GABRB1: variants seen among roughly 807,000 people sequenced by gnomAD.
GABRB1 encodes the protein gamma-aminobutyric acid type A receptor subunit beta1.
A neutral mutation model predicts 51.6 loss-of-function variants in GABRB1; 17 were observed. The ratio of observed to expected loss-of-function variants is 0.33; its 90% confidence interval spans 0.23 to 0.49. GABRB1 has a LOEUF of 0.49. GABRB1 is among the 20% of genes least tolerant of loss of function. GABRB1 has a pLI of 0.99. For synonymous variants in GABRB1, 247 were observed against 218.9 expected (o/e 1.13, Z -1.14); for missense variants, 410 against 600.6 (o/e 0.68, Z 3.32).
chr4:47,033,276 A>G (rs923703297), intron 3 of GABRB1, among the ~76,000 whole-genome samples: 1 of 152,202 alleles, frequency 6.6e-6, no homozygotes, highest in Admixed American at 6.5e-5. Flanking sequence ...AGGGGTCAAC[A>G]TTCTTTTATA....
intron 3 of GABRB1, among the ~76,000 whole-genome samples, chr4:47,129,213 A>G (rs1716302363): frequency 6.6e-6 from 1 of 152,120 alleles, no homozygotes; most frequent in Non-Finnish European, 1.5e-5. Context: ...TTGAGTGTTA[A>G]AATTAAATAT....
At chr4:47,411,718 GGGT>G (rs1728767400) in intron 8 of GABRB1, among the ~76,000 whole-genome samples, 1 of 152,174 alleles carries the variant, frequency 6.6e-6, no homozygotes, top group Non-Finnish European at 1.5e-5. Flanking sequence ...TGGAGAACCT[GGGT>G]GAGGGGTACA....
At chr4:47,204,487 C>A (rs867400036) in intron 4 of GABRB1, among the ~76,000 whole-genome samples, 1 of 152,024 alleles carries the variant, frequency 6.6e-6, no homozygotes, top group East Asian at 1.9e-4. Context: ...CTCTGCTCCC[C>A]CTAACCCTAA....
At chr4:47,387,556 G>A (rs1173866992) in intron 5 of GABRB1, among the ~76,000 whole-genome samples, 7 of 152,122 alleles carry the variant, frequency 4.6e-5, no homozygotes, top group Non-Finnish European at 8.8e-5. Context: ...AATTAAATGG[G>A]AACAATATTA....
At chr4:47,273,006 G>A (rs942338030) in intron 4 of GABRB1, among the ~76,000 whole-genome samples, 18 of 151,492 alleles carry the variant, frequency 1.2e-4, no homozygotes, top group East Asian at 3.9e-4. Context: ...GTGAACTCTC[G>A]TTTATTCAGT....
At chr4:47,382,790 A>G (rs1426138441) in intron 5 of GABRB1, among the ~76,000 whole-genome samples, 1 of 152,172 alleles carries the variant, frequency 6.6e-6, no homozygotes. Flanking sequence ...AGGACTTCCT[A>G]TTTCATGGAC....
At chr4:47,128,510 C>T in intron 3 of GABRB1, among the ~76,000 whole-genome samples, 1 of 151,976 alleles carries the variant, frequency 6.6e-6, no homozygotes, top group Admixed American at 6.5e-5. Context: ...ATGTTAAAAA[C>T]ATTATGCTGA....
chr4:47,282,136 C>G (rs1723314731), intron 4 of GABRB1, among the ~76,000 whole-genome samples: 1 of 152,030 alleles, frequency 6.6e-6, no homozygotes, highest in Non-Finnish European at 1.5e-5. Context: ...CAAAACATCG[C>G]CTTGTACCCT....
At chr4:47,161,562 A>G in intron 4 of GABRB1, 93 bp downstream of exon 4, 1 of 869,352 alleles carries the variant, frequency 1.2e-6, no homozygotes, top group Non-Finnish European at 1.8e-6. Context: ...AAGCAAGAAT[A>G]TATAGATGAA....
chr4:47,001,381 AT>A lies in GABRB1; in HGVS notation c.-20+7457del, dbSNP rs1338689559. On this transcript the variant is annotated intron_variant, in intron 1 of 3. Transcript: ENST00000513567. ...ATGGTCTGAATCTCCTGACCTCGTGATTCTCCCGCCTTGGCCTCCCAAAGTG... is the reference window on the plus strand; with the variant it reads ...ATGGTCTGAATCTCCTGACCTCGTGATCTCCCGCCTTGGCCTCCCAAAGTG... Among the ~76,000 whole-genome samples, 1,131 of 152,062 alleles carry A rather than the reference AT, an allele frequency of 7.4e-3. 18 individuals are homozygous for A. Among genetic ancestry groups the A allele is most frequent in the African/African-American group, 0.025 (1,032 of 41,378 alleles).
At chr4:47,281,664 A>G (rs193076252) in intron 4 of GABRB1, among the ~76,000 whole-genome samples, 12 of 152,204 alleles carry the variant, frequency 7.9e-5, no homozygotes, top group Admixed American at 5.9e-4. Context: ...TCAATGTATG[A>G]ATGGATAAAC....
At chr4:47,068,631 C>A (rs117747192) in intron 3 of GABRB1, among the ~76,000 whole-genome samples, 2 of 152,256 alleles carry the variant, frequency 1.3e-5, no homozygotes, top group South Asian at 2.1e-4. Flanking sequence ...TCAGAACACA[C>A]AAAACATTTA....
intron 4 of GABRB1, among the ~76,000 whole-genome samples, chr4:47,238,697 T>G (rs1282613166): frequency 6.6e-6 from 1 of 152,170 alleles, no homozygotes; most frequent in African/African-American, 2.4e-5. Context: ...TGAAATATCC[T>G]AAGTGTCGAA....
chr4:47,248,845 T>C (rs1443056808), intron 4 of GABRB1, among the ~76,000 whole-genome samples: 4 of 152,138 alleles, frequency 2.6e-5, no homozygotes. Flanking sequence ...GTGGTGTCAG[T>C]TGTAATATCT....
At chr4:47,013,717 T>A (rs1223090236) in intron 1 of GABRB1, among the ~76,000 whole-genome samples, 1 of 152,220 alleles carries the variant, frequency 6.6e-6, no homozygotes, top group Non-Finnish European at 1.5e-5. Flanking sequence ...AGGGGGCACT[T>A]TGTTAATCCT....
intron 3 of GABRB1, among the ~76,000 whole-genome samples, chr4:47,065,829 G>A (rs1727055912): frequency 6.6e-6 from 1 of 152,134 alleles, no homozygotes; most frequent in South Asian, 2.1e-4. Flanking sequence ...CAGTTTCCTA[G>A]GCCTGGAAAA....
chr4:47,014,250 A>T (rs1354141112), intron 1 of GABRB1, among the ~76,000 whole-genome samples: 2 of 152,148 alleles, frequency 1.3e-5, no homozygotes, highest in Non-Finnish European at 2.9e-5. Flanking sequence ...TAGTTTCATG[A>T]TAGATTTTGA....
intron 4 of GABRB1, among the ~76,000 whole-genome samples, chr4:47,236,459 C>A (rs1721338121): frequency 6.6e-6 from 1 of 151,982 alleles, no homozygotes; most frequent in South Asian, 2.1e-4. Flanking sequence ...ATAAAGGAAA[C>A]AAAGTTAACA....
intron 4 of GABRB1, among the ~76,000 whole-genome samples, chr4:47,216,812 A>G (rs1720573132): frequency 6.6e-6 from 1 of 151,912 alleles, no homozygotes; most frequent in Admixed American, 6.6e-5. Context: ...TATAGCTAAT[A>G]AACTTGAATT....
Sources: allele counts gnomAD v4.1 joint callset (sites outside exome capture counted in the v4.1 genomes callset), GRCh38; gene constraint gnomAD v4.1.1; transcripts MANE v1.5; gene names NCBI Gene and HGNC (gene_info 2026-07-23, HGNC 2026-07-21).